The following SENP6 variants were observed in gnomAD, a reference collection of about 807,000 sequenced individuals.
SENP6 encodes SUMO specific peptidase 6, also known as sentrin-specific protease 6.
In SENP6, 41 loss-of-function variants were observed where a neutral mutation model predicts 134.5. The observed-to-expected ratio is 0.30, with a 90% CI of 0.24 to 0.40. SENP6 has a LOEUF of 0.40. Ranked by LOEUF, SENP6 falls within the 10% of genes least tolerant of loss-of-function variation. SENP6 has a pLI of 1.00. For synonymous variants in SENP6, 395 were observed against 429.8 expected, an observed-to-expected ratio of 0.92 and a Z score of 1.00; for missense variants, 1,248 against 1,312.5, an observed-to-expected ratio of 0.95 and a Z score of 0.76.
chr6:75,605,185 T>G (rs901304096), intron 1 of SENP6, among the ~76,000 whole-genome samples: 2 of 152,246 alleles, frequency 1.3e-5, no homozygotes, highest in Non-Finnish European at 2.9e-5. Context: ...TATTAAGACA[T>G]CTACATATTA....
Position 75,711,322 on chromosome 6 carries a change from T to C in SENP6, c.2821-6T>C. The C allele has an allele frequency of 6.2e-7, 1 of 1,606,378 alleles. No homozygotes were observed. The highest frequency in any genetic ancestry group is 8.5e-7 in the Non-Finnish European group (1 of 1,174,070). On this transcript the variant is annotated splice_region_variant and splice_polypyrimidine_tract_variant and intron_variant, in intron 20 of 23. Transcript: ENST00000447266. ...TTCAGTATTAACAGTAGGCTGTCTT[T>C]TATAGGATGATAGCAGTGACGATGG...
At chr6:75,698,664 A>G (rs921506945) in intron 18 of SENP6, among the ~76,000 whole-genome samples, 4 of 152,212 alleles carry the variant, frequency 2.6e-5, no homozygotes, top group Non-Finnish European at 4.4e-5. Context: ...TCATATTATC[A>G]TAGTAAAATT....
chr6:75,684,077 C>A (rs1191030501), intron 16 of SENP6, among the ~76,000 whole-genome samples: 4 of 152,084 alleles, frequency 2.6e-5, no homozygotes, highest in Non-Finnish European at 5.9e-5. Context: ...TTTCGTTGAG[C>A]AGTGGTTTGT....
intron 19 of SENP6, among the ~76,000 whole-genome samples, chr6:75,704,504 G>A (rs185517950): frequency 2.3e-3 from 352 of 152,272 alleles, no homozygotes; most frequent in Non-Finnish European, 4.1e-3. Flanking sequence ...GCCATAGGGC[G>A]GTTTTTCTCC....
chr6:75,611,600 A>C (rs1319693456), intron 1 of SENP6: 1 of 152,230 alleles, frequency 6.6e-6, no homozygotes, highest in Non-Finnish European at 1.5e-5. Context: ...TTTAAAGCAT[A>C]AGGAACATTT....
chr6:75,664,593 C>T (rs577795386), intron 9 of SENP6, among the ~76,000 whole-genome samples: 3 of 152,126 alleles, frequency 2.0e-5, no homozygotes, highest in Non-Finnish European at 2.9e-5. Flanking sequence ...CTGTTTAGAT[C>T]GTCTAATCTG....
chr6:75,703,708 G>C (rs1262033765), intron 19 of SENP6, among the ~76,000 whole-genome samples: 1 of 152,146 alleles, frequency 6.6e-6, no homozygotes, highest in African/African-American at 2.4e-5. Context: ...GTTGCAGTGA[G>C]TGGAGATCGC....
intron 10 of SENP6, among the ~76,000 whole-genome samples, chr6:75,667,338 G>A (rs373242974): frequency 2.6e-5 from 4 of 152,062 alleles, no homozygotes; most frequent in African/African-American, 4.8e-5. Context: ...TAATATGAAC[G>A]ATGTCAATAG....
At chr6:75,702,611 T>G in intron 18 of SENP6, 34 bp from the exon 19 acceptor site, 1 of 1,502,068 alleles carries the variant, frequency 6.7e-7, no homozygotes, top group South Asian at 1.4e-5. Context: ...ACTTTTCTAA[T>G]AACATATTTA....
At chr6:75,675,079 A>G (rs1276612822) in intron 11 of SENP6, among the ~76,000 whole-genome samples, 3 of 152,202 alleles carry the variant, frequency 2.0e-5, no homozygotes, top group East Asian at 1.9e-4. Context: ...AATTCAGGCA[A>G]GGACCTTCAG....
intron 7 of SENP6, among the ~76,000 whole-genome samples, chr6:75,650,519 G>A (rs1311625285): frequency 1.3e-5 from 2 of 152,038 alleles, no homozygotes; most frequent in Non-Finnish European, 2.9e-5. Flanking sequence ...TTTATTGATT[G>A]GAAATCGTCT....
intron 20 of SENP6, 128 bp from the exon 21 acceptor site, chr6:75,711,200 A>C (rs1445846937): frequency 1.7e-6 from 1 of 583,910 alleles, no homozygotes; most frequent in Non-Finnish European, 3.1e-6. Context: ...CTAGTGTCTA[A>C]TCACCTAAAT....
intron 1 of SENP6, among the ~76,000 whole-genome samples, chr6:75,614,598 T>G (rs1209351654): frequency 6.6e-6 from 1 of 152,154 alleles, no homozygotes; most frequent in East Asian, 1.9e-4. Flanking sequence ...ATAAATATTG[T>G]GTGGAGAGAT....
intron 20 of SENP6, among the ~76,000 whole-genome samples, chr6:75,709,909 TAAA>T (rs1775653606): frequency 1.3e-5 from 2 of 152,340 alleles, no homozygotes; most frequent in Admixed American, 1.3e-4. Context: ...GATCATATCT[TAAA>T]AAACAAATTC....
chr6:75,649,539 A>G (rs1014650721), intron 7 of SENP6, among the ~76,000 whole-genome samples: 1 of 151,904 alleles, frequency 6.6e-6, no homozygotes, highest in African/African-American at 2.4e-5. Flanking sequence ...GTTTTTTGAG[A>G]TGGGGTCTCA....
chr6:75,666,668 A>G, intron 9 of SENP6, 44 bp from the exon 10 acceptor site: 1 of 943,204 alleles, frequency 1.1e-6, no homozygotes, highest in Admixed American at 4.1e-5. Flanking sequence ...TAAAATTATA[A>G]CTATAGTTTT....
At chr6:75,647,341 TAA>T (rs1271818531) in intron 6 of SENP6, 1 of 158,072 alleles carries the variant, frequency 6.3e-6, no homozygotes, top group Non-Finnish European at 1.4e-5. Flanking sequence ...ATTTGAAGTT[TAA>T]GAGAGGAATT....
rs201057204 is a variant in SENP6 at position 75,702,739 on chromosome 6, A to G, written c.2383A>G (p.Lys795Glu). 550 of 1,614,094 alleles carry G rather than the reference A, an allele frequency of 3.4e-4. 1 individual carries two copies. The highest frequency in any genetic ancestry group is 3.0e-3 in the Middle Eastern group (18 of 6,060). ...PHYHENAVIQ[K>E]CSTVEDSCIS... ...TTACCATGAAAATGCTGTCATACAG[A>G]AATGTTCAACTGTAGAGGACAGTTG... The change falls in exon 19 of 24, where the codon AAA becomes GAA. Residue 795 changes from lysine to glutamate, a missense_variant. Coordinates refer to ENST00000447266, the MANE Select transcript of SENP6 (RefSeq NM_015571.4).
At chr6:75,705,924 CCT>C (rs1491415053) in intron 19 of SENP6, among the ~76,000 whole-genome samples, 1,332 of 89,250 alleles carry the variant, frequency 0.015, 350 homozygotes, top group African/African-American at 0.04. Context: ...TATTTTTGAG[CCT>C]TTTTTTTTTT....
Sources: allele counts gnomAD v4.1 joint callset (sites outside exome capture counted in the v4.1 genomes callset), GRCh38; gene constraint gnomAD v4.1.1; transcripts MANE v1.5; gene names NCBI Gene and HGNC (gene_info 2026-07-23, HGNC 2026-07-21).